CTXN3: variants seen among roughly 807,000 people sequenced by gnomAD.
CTXN3 encodes cortexin-3.
Under a neutral mutation model 5.0 loss-of-function variants are expected in CTXN3, and 4 were observed. That is an observed-to-expected ratio of 0.79 (90% CI 0.39 to 1.82). CTXN3 has a LOEUF of 1.82. CTXN3 is among the 40% of genes most tolerant of loss of function. CTXN3 has a pLI of 0.04. For missense variants in CTXN3, 89 were observed against 99.7 expected, an observed-to-expected ratio of 0.89 and a Z score of 0.46; for synonymous variants, 48 against 38.6, an observed-to-expected ratio of 1.24 and a Z score of -0.91.
In CTXN3 at chr5:127,650,909, C is replaced by T. The variant is rs149838953; in HGVS notation, c.-207+1521C>T. ...ACAAACAGGAATGCAGCCCAGGCTT[C>T]CTTTAGTGCTAAAAGTAGAGAGGGA... On this transcript the variant is annotated intron_variant, in intron 1 of 2. Transcript: ENST00000379445. 1.9e-4 allele frequency among the ~76,000 whole-genome samples: 29 copies of T among 152,232 alleles called. No individual in the cohort carries two copies. In the East Asian group the frequency reaches 5.6e-3, roughly 29 times the overall value.
At chr5:127,656,804 C>G (rs1749917845) in intron 2 of CTXN3, among the ~76,000 whole-genome samples, 1 of 152,170 alleles carries the variant, frequency 6.6e-6, no homozygotes, top group Non-Finnish European at 1.5e-5. Flanking sequence ...GGCATTGCTA[C>G]TTGCATTTTT....
chr5:127,654,603 T>A (rs1749863436), intron 2 of CTXN3, among the ~76,000 whole-genome samples: 1 of 152,122 alleles, frequency 6.6e-6, no homozygotes, highest in South Asian at 2.1e-4. Flanking sequence ...AAATGAATGG[T>A]TTGCTCGCTG....
chr5:127,651,526 C>T (rs1749786951), intron 1 of CTXN3, among the ~76,000 whole-genome samples: 1 of 151,986 alleles, frequency 6.6e-6, no homozygotes, highest in East Asian at 1.9e-4. Flanking sequence ...TAATTCTGGG[C>T]AGTTTATTTA....
intron 2 of CTXN3, among the ~76,000 whole-genome samples, chr5:127,656,050 G>A (rs1156970150): frequency 1.3e-5 from 2 of 152,156 alleles, no homozygotes; most frequent in African/African-American, 4.8e-5. Context: ...AAGGAACATT[G>A]TATTGATGCT....
At chr5:127,657,389 A>T in intron 2 of CTXN3, 34 bp from the exon 3 acceptor site, 2 of 959,372 alleles carry the variant, frequency 2.1e-6, no homozygotes, top group Non-Finnish European at 3.1e-6. Context: ...CTGCTATTTT[A>T]TAGGTATTCC....
At chr5:127,656,048 T>C (rs1749900492) in intron 2 of CTXN3, among the ~76,000 whole-genome samples, 1 of 152,224 alleles carries the variant, frequency 6.6e-6, no homozygotes, top group East Asian at 1.9e-4. Flanking sequence ...TGAAGGAACA[T>C]TGTATTGATG....
intron 2 of CTXN3, among the ~76,000 whole-genome samples, chr5:127,655,312 T>C (rs986737556): frequency 2.6e-5 from 4 of 152,078 alleles, no homozygotes; most frequent in African/African-American, 9.7e-5. Context: ...CTCGGCTTTG[T>C]TGAGAATGGA....
intron 1 of CTXN3, 38 bp from the exon 2 acceptor site, chr5:127,653,279 A>G (rs1194544977): frequency 6.6e-6 from 1 of 152,200 alleles, no homozygotes; most frequent in Non-Finnish European, 1.5e-5. Context: ...ACTTTTGAAA[A>G]GGGTATCTTT....
Position 127,658,042 on chromosome 5 carries a change from G to A in CTXN3, c.*275G>A, listed in dbSNP as rs1749956729. On this transcript the variant is annotated 3_prime_UTR_variant, in exon 3 of 3. Coordinates refer to ENST00000379445, the MANE Select transcript of CTXN3 (RefSeq NM_001048252.3). ...ATTGTGTGATTGTGAAACCAAGAGC[G>A]TTAATACTGACATAGATTTGCCATC... The A allele has an allele frequency of 2.5e-5, 10 of 402,668 alleles. No homozygotes were observed. Among genetic ancestry groups the A allele is most frequent in the East Asian group, 1.1e-4 (2 of 17,630 alleles). The allele number at this position is 402,668 out of a possible 1,614,324, so 24.9% of individuals were successfully genotyped here. A position where few individuals can be genotyped will look rare whatever the true frequency, so the allele number is the denominator to read the frequency against.
intron 2 of CTXN3, among the ~76,000 whole-genome samples, chr5:127,654,598 A>T (rs1286080789): frequency 6.6e-6 from 1 of 152,138 alleles, no homozygotes; most frequent in African/African-American, 2.4e-5. Flanking sequence ...CCCCCAAATG[A>T]ATGGTTTGCT....
chr5:127,656,980 G>T (rs2126743788), intron 2 of CTXN3, among the ~76,000 whole-genome samples: 1 of 152,318 alleles, frequency 6.6e-6, no homozygotes, highest in East Asian at 1.9e-4. Flanking sequence ...GAAGCTTGCA[G>T]TAAAGTGGCT....
intron 1 of CTXN3, chr5:127,652,993 TG>T (rs1480835995): frequency 6.6e-6 from 1 of 152,216 alleles, no homozygotes; most frequent in Admixed American, 6.5e-5. Context: ...AGGGGGTTAA[TG>T]GGCTGTGGAC....
At chr5:127,651,829 A>T (rs904218979) in intron 1 of CTXN3, 1 of 152,152 alleles carries the variant, frequency 6.6e-6, no homozygotes, top group African/African-American at 2.4e-5. Context: ...TCACTTAAAA[A>T]AAAAAAAGAA....
At chr5:127,650,672 G>A (rs1230927024) in intron 1 of CTXN3, among the ~76,000 whole-genome samples, 1 of 152,176 alleles carries the variant, frequency 6.6e-6, no homozygotes, top group Non-Finnish European at 1.5e-5. Flanking sequence ...GCAAGTTACT[G>A]TTCACTAGAA....
chr5:127,657,090 CAGG>C (rs1749926154), intron 2 of CTXN3, among the ~76,000 whole-genome samples: 1 of 152,172 alleles, frequency 6.6e-6, no homozygotes, highest in Non-Finnish European at 1.5e-5. Flanking sequence ...TGGAGCAGAG[CAGG>C]AGGAGACTTG....
chr5:127,655,568 G>A (rs1264290813), intron 2 of CTXN3, among the ~76,000 whole-genome samples: 1 of 152,100 alleles, frequency 6.6e-6, no homozygotes, highest in African/African-American at 2.4e-5. Flanking sequence ...ATTTTTGGTG[G>A]ACACAGATGG....
rs777369803 is a variant in CTXN3 at position 127,657,553 on chromosome 5, T to C, written c.32T>C (p.Leu11Pro). 1.7e-5 allele frequency: 27 copies of C among 1,613,844 alleles called. No homozygotes were observed. In the South Asian group the frequency reaches 2.6e-4, roughly 16 times the overall value. Residue 11 changes from leucine to proline, a missense_variant, in exon 3 of 3, where the codon CTA (leucine) becomes CCA (proline). Physicochemically the swap from Leu to Pro is moderately conservative, Grantham distance 98. Transcript: ENST00000379445. Reference protein sequence around the residue: MDGGQPIPSSLVPLGNESADS... With the variant: MDGGQPIPSSPVPLGNESADS... The stretch of plus-strand genomic sequence containing the variant: ...GGAGGACAGCCCATCCCCTCATCCC[T>C]AGTGCCCCTTGGGAACGAATCAGCA...
At chr5:127,657,311 A>G in intron 2 of CTXN3, 112 bp from the exon 3 acceptor site, 1 of 561,934 alleles carries the variant, frequency 1.8e-6, no homozygotes, top group East Asian at 3.1e-5. Flanking sequence ...CTCTGGTGAA[A>G]AAGAAAGCTG....
At position 127,657,757 on chromosome 5, in the gene CTXN3, C is replaced by T. The variant is rs1203992452; in HGVS notation, c.236C>T (p.Ala79Val). ...EGLEKGQFDH[A>V]LA ...CTGGAGAAAGGGCAGTTCGACCATGCCCTTGCTTAGGAGGGATGGTGTGGG... is the reference window on the plus strand; with the variant it reads ...CTGGAGAAAGGGCAGTTCGACCATGTCCTTGCTTAGGAGGGATGGTGTGGG... The change falls in exon 3 of 3, where the codon GCC becomes GTC. Residue 79 changes from alanine to valine, a missense_variant. Ala to Val is a moderately conservative substitution (Grantham distance 64, BLOSUM62 0). Transcript: ENST00000379445. The T allele has an allele frequency of 1.2e-6, 2 of 1,614,054 alleles. No individual in the cohort carries two copies. Among genetic ancestry groups the T allele is most frequent in the Admixed American group, 1.7e-5 (1 of 60,018 alleles).
Sources: allele counts gnomAD v4.1 joint callset (sites outside exome capture counted in the v4.1 genomes callset), GRCh38; gene constraint gnomAD v4.1.1; transcripts MANE v1.5; gene names NCBI Gene and HGNC (gene_info 2026-07-23, HGNC 2026-07-21).